The following DAG1 variants were observed in gnomAD, a reference collection of about 807,000 sequenced individuals.
DAG1 encodes dystroglycan 1.
Under a neutral mutation model 46.1 loss-of-function variants are expected in DAG1, and 8 were observed. The observed-to-expected ratio is 0.17, with a 90% CI of 0.10 to 0.31. The LOEUF (loss-of-function observed/expected upper bound fraction) is 0.31, where lower values mean the gene tolerates loss of function less well. Ranked by LOEUF, DAG1 falls within the 10% of genes least tolerant of loss-of-function variation. The probability of loss-of-function intolerance (pLI) is 1.00; values close to 1 mark genes in which losing one functional copy is unlikely to be tolerated. For missense variants in DAG1, 1,003 were observed against 1,189.9 expected, an observed-to-expected ratio of 0.84 and a Z score of 2.31; for synonymous variants, 495 against 481.8, an observed-to-expected ratio of 1.03 and a Z score of -0.36.
Position 49,531,335 on chromosome 3 carries a change from A to T in DAG1, c.824A>T (p.His275Leu). Reference protein sequence around the residue: ...SLNQNSVPDIHGVEAPAREGA... With the variant: ...SLNQNSVPDILGVEAPAREGA... ...AACCAGAACAGTGTGCCTGACATTC[A>T]TGGTGTAGAGGCCCCTGCCAGGGAG... Residue 275 changes from histidine to leucine, a missense_variant, in exon 3 of 3, where the codon CAT becomes CTT. Physicochemically the swap from His to Leu is moderately conservative, Grantham distance 99. Around this residue, in one of 3 missense-constraint regions of DAG1, gnomAD observed 755 missense variants for 854.1 expected, o/e 0.88. Transcript: ENST00000308775. The surrounding 1 kb of genome is among the most constrained non-coding windows in gnomAD (Gnocchi z 7.0). 6.2e-7 allele frequency: 1 copy of T among 1,614,136 alleles called. No homozygotes were observed. Among genetic ancestry groups the T allele is most frequent in the Non-Finnish European group, 8.5e-7 (1 of 1,180,018 alleles).
chr3:49,510,877 G>A, intron 2 of DAG1, 58 bp downstream of exon 2: 1 of 1,594,346 alleles, frequency 6.3e-7, no homozygotes, highest in Non-Finnish European at 8.5e-7. Flanking sequence ...TTTTAGTTTT[G>A]GTGGCTTTTC....
intron 1 of DAG1, among the ~76,000 whole-genome samples, chr3:49,481,166 G>C (rs2049870385): frequency 6.8e-6 from 1 of 146,234 alleles, no homozygotes; most frequent in South Asian, 2.3e-4. Context: ...GAGGCGGGCG[G>C]ATCACAAGGT....
At chr3:49,484,405 C>A (rs573489588) in intron 1 of DAG1, among the ~76,000 whole-genome samples, 1 of 152,052 alleles carries the variant, frequency 6.6e-6, no homozygotes, top group Non-Finnish European at 1.5e-5. Context: ...TTTTTCCCTT[C>A]TAGTTGGACT....
intron 1 of DAG1, 35 bp from the exon 2 acceptor site, chr3:49,510,384 G>T: frequency 1.3e-6 from 1 of 757,854 alleles, no homozygotes. Flanking sequence ...CACTGGAATT[G>T]CTCAAGTCTA....
chr3:49,532,501 C>T lies in DAG1; in HGVS notation c.1990C>T (p.Leu664=). ...SIVVEWTNNT[L]PLEPCPKEQI... Reference sequence around the variant, plus strand: ...CGTGGTGGAATGGACCAACAACACACTGCCCTTGGAGCCCTGCCCCAAGGA... The same window carrying T: ...CGTGGTGGAATGGACCAACAACACATTGCCCTTGGAGCCCTGCCCCAAGGA... The change falls in exon 3 of 3, where the codon CTG becomes TTG. Residue 664 remains leucine, a synonymous_variant. Transcript: ENST00000308775. The surrounding 1 kb of genome is among the most constrained non-coding windows in gnomAD (Gnocchi z 5.4). 1.2e-6 allele frequency: 2 copies of T among 1,614,204 alleles called. No homozygotes were observed. Among genetic ancestry groups the T allele is most frequent in the Non-Finnish European group, 1.7e-6 (2 of 1,180,036 alleles).
At chr3:49,491,816 G>A (rs2050194574) in intron 1 of DAG1, among the ~76,000 whole-genome samples, 2 of 151,756 alleles carry the variant, frequency 1.3e-5, no homozygotes, top group Admixed American at 1.3e-4. Flanking sequence ...ACGGGGTTTC[G>A]CCACATTGGC....
Position 49,534,676 on chromosome 3 carries a change from ACATC to A in DAG1, c.*1479_*1482del, listed in dbSNP as rs1282317978. ...GGGTTCTTTTGCCTTTTTTAGCAGA[ACATC>A]CGTCCGTCCATCTGCATCTCTGTCC... On this transcript the variant is annotated 3_prime_UTR_variant, in exon 3 of 3. Coordinates refer to ENST00000308775, the MANE Select transcript of DAG1 (RefSeq NM_004393.6). 6.6e-6 allele frequency: 1 copy of A among 152,604 alleles called. No homozygotes were observed. The highest frequency in any genetic ancestry group is 2.4e-5 in the African/African-American group (1 of 41,426). The allele number at this position is 152,604 out of a possible 1,614,324, so 9.5% of individuals were successfully genotyped here. A position where few individuals can be genotyped will look rare whatever the true frequency, so the allele number is the denominator to read the frequency against.
chr3:49,480,395 C>G (rs944758179), intron 1 of DAG1, among the ~76,000 whole-genome samples: 34 of 151,418 alleles, frequency 2.2e-4, no homozygotes, highest in African/African-American at 7.7e-4. Context: ...CCTGCCTCAG[C>G]CTCCCGAGTA....
chr3:49,529,510 G>A (rs2051284792), intron 2 of DAG1, among the ~76,000 whole-genome samples: 1 of 152,176 alleles, frequency 6.6e-6, no homozygotes, highest in Admixed American at 6.5e-5. Flanking sequence ...GGAACCAGAG[G>A]CACTGGGGAA....
chr3:49,483,571 T>C (rs1325831243), intron 1 of DAG1, among the ~76,000 whole-genome samples: 1 of 152,138 alleles, frequency 6.6e-6, no homozygotes, highest in Non-Finnish European at 1.5e-5. Context: ...TTTTTTATAT[T>C]GGAGACCAGT....
chr3:49,488,059 CAT>C (rs1364596223), intron 1 of DAG1, among the ~76,000 whole-genome samples: 1 of 152,132 alleles, frequency 6.6e-6, no homozygotes, highest in African/African-American at 2.4e-5. Flanking sequence ...ACTAGAAAAA[CAT>C]AGCATCATGT....
Position 49,510,442 on chromosome 3 carries a change from C to G in DAG1, c.-93C>G. ...AGGCTCTGTGTGCTCCGGGATGGAG[C>G]AGGTGTGCAGAGGGTGAGAACCCAG... On this transcript the variant is annotated 5_prime_UTR_variant, in exon 2 of 3. Transcript: ENST00000308775. 1.7e-6 allele frequency: 2 copies of G among 1,208,742 alleles called. No homozygotes were observed. The highest frequency in any genetic ancestry group is 2.4e-6 in the Non-Finnish European group (2 of 821,760). The allele number at this position is 1,208,742 out of a possible 1,614,324, so 74.9% of individuals were successfully genotyped here.
At chr3:49,473,723 C>A (rs1007197308) in intron 1 of DAG1, among the ~76,000 whole-genome samples, 5 of 151,878 alleles carry the variant, frequency 3.3e-5, no homozygotes, top group African/African-American at 1.2e-4. Flanking sequence ...GCTGGGATCA[C>A]AGGCACTTGC....
chr3:49,516,186 ATCT>A (rs2050891668), intron 2 of DAG1, among the ~76,000 whole-genome samples: 2 of 152,294 alleles, frequency 1.3e-5, no homozygotes, highest in East Asian at 3.9e-4. Flanking sequence ...ACTCTGTGTC[ATCT>A]TCTTCTTAGC....
chr3:49,494,720 C>T (rs1327899503), intron 1 of DAG1, among the ~76,000 whole-genome samples: 7 of 151,742 alleles, frequency 4.6e-5, no homozygotes, highest in African/African-American at 9.7e-5. Context: ...CTGCAACCTC[C>T]GCCTCACAGG....
Position 49,533,600 on chromosome 3 carries a change from T to C in DAG1, c.*401T>C. 1 of 373,056 alleles carries C rather than the reference T, an allele frequency of 2.7e-6. No individual in the cohort carries two copies. Among genetic ancestry groups the C allele is most frequent in the South Asian group, 2.2e-5 (1 of 45,366 alleles). 23.1% of individuals were successfully genotyped at this position (373,056 alleles called of 1,614,324 possible). On this transcript the variant is annotated 3_prime_UTR_variant, in exon 3 of 3. Transcript: ENST00000308775. The stretch of plus-strand genomic sequence containing the variant: ...TTAACACTAACTGTACTGTTTTTTC[T>C]ATTCACGTGTGTCTAGCTGCAGGAT...
intron 1 of DAG1, among the ~76,000 whole-genome samples, chr3:49,506,641 C>T (rs2050613708): frequency 6.6e-6 from 1 of 152,122 alleles, no homozygotes; most frequent in Non-Finnish European, 1.5e-5. Flanking sequence ...GCTCTCCTTG[C>T]ATCTCTGGAA....
chr3:49,531,872 G>A lies in DAG1; in HGVS notation c.1361G>A (p.Arg454Gln), dbSNP rs2051359151. ...TTTRRPTKKP[R>Q]TPRPVPRVTT... ...ACTCGCAGGCCAACCAAGAAACCACGGACACCCCGGCCAGTGCCCCGGGTC... is the reference window on the plus strand; with the variant it reads ...ACTCGCAGGCCAACCAAGAAACCACAGACACCCCGGCCAGTGCCCCGGGTC... The change falls in exon 3 of 3, where the codon CGG becomes CAG. Residue 454 changes from arginine to glutamine, a missense_variant. Transcript: ENST00000308775. The surrounding 1 kb of genome is among the most constrained non-coding windows in gnomAD (Gnocchi z 7.0). 3 of 1,613,536 alleles carry A rather than the reference G, an allele frequency of 1.9e-6. No individual in the cohort carries two copies. Among genetic ancestry groups the A allele is most frequent in the Admixed American group, 1.7e-5 (1 of 59,912 alleles).
At chr3:49,482,191 A>G (rs2049903735) in intron 1 of DAG1, among the ~76,000 whole-genome samples, 2 of 152,180 alleles carry the variant, frequency 1.3e-5, no homozygotes, top group Non-Finnish European at 2.9e-5. Flanking sequence ...CTGGGGACAC[A>G]GTGCATTGCG....
Sources: allele counts gnomAD v4.1 joint callset (sites outside exome capture counted in the v4.1 genomes callset), GRCh38; gene constraint gnomAD v4.1.1; regional missense constraint gnomAD v4.1.1; non-coding constraint Gnocchi (gnomAD v3.1); transcripts MANE v1.5; gene names NCBI Gene and HGNC (gene_info 2026-07-23, HGNC 2026-07-21).